The following ADGRG7 variants were observed in gnomAD, a reference collection of about 807,000 sequenced individuals.
ADGRG7 encodes the protein G-protein coupled receptor 128.
In ADGRG7, 82 loss-of-function variants were observed where a neutral mutation model predicts 88.6. The observed-to-expected ratio is 0.93, with a 90% CI of 0.77 to 1.11. The LOEUF (loss-of-function observed/expected upper bound fraction) is 1.11. ADGRG7 is among the 50% of genes most tolerant of loss of function. The pLI, the probability that ADGRG7 is intolerant of heterozygous loss-of-function variation, is 0.00. For synonymous variants in ADGRG7, 381 were observed against 345.2 expected, an observed-to-expected ratio of 1.10 and a Z score of -1.15; for missense variants, 945 against 953.4, an observed-to-expected ratio of 0.99 and a Z score of 0.12.
At chr3:100,675,541 T>C (rs544014048) in intron 15 of ADGRG7, among the ~76,000 whole-genome samples, 1 of 152,308 alleles carries the variant, frequency 6.6e-6, no homozygotes, top group East Asian at 1.9e-4. Flanking sequence ...TCAGATGCAT[T>C]GGCCTGTAGT....
At chr3:100,642,102 A>G (rs1707650428) in intron 6 of ADGRG7, among the ~76,000 whole-genome samples, 1 of 152,196 alleles carries the variant, frequency 6.6e-6, no homozygotes, top group South Asian at 2.1e-4. Flanking sequence ...GGAACATGAA[A>G]AACACCTCCT....
At chr3:100,620,273 T>C (rs1248775030) in intron 1 of ADGRG7, among the ~76,000 whole-genome samples, 1 of 152,244 alleles carries the variant, frequency 6.6e-6, no homozygotes, top group Non-Finnish European at 1.5e-5. Context: ...TCAATAAATG[T>C]AATCCAGGAT....
At position 100,633,269 on chromosome 3, in the gene ADGRG7, C is replaced by T; in HGVS notation, c.339C>T (p.Gly113=). Residue 113 remains glycine, a synonymous_variant, in exon 4 of 16, where the codon GGC becomes GGT. Transcript: ENST00000273352. ...AAAAATTTCTTTGTATTAAAGCGGG[C>T]AATCCAATGGCAGTCCGGTTGTGCA... ...QTCGKDTPNA[G]NPMAVRLCSL... 7.0e-7 allele frequency: 1 copy of T among 1,437,784 alleles called. No individual in the cohort carries two copies. The highest frequency in any genetic ancestry group is 9.2e-7 in the Non-Finnish European group (1 of 1,090,118). 89.1% of individuals were successfully genotyped at this position (1,437,784 alleles called of 1,614,324 possible).
In ADGRG7 at chr3:100,609,909, G is replaced by A; in HGVS notation, c.53G>A (p.Gly18Glu). ...NLRVLVAVVCGLLTGIILGLG... is the reference protein window; with the variant it reads ...NLRVLVAVVCELLTGIILGLG... ...AGGGTGCTGGTGGCTGTCGTGTGTG[G>A]ACTACTGACTGGCATCATTTTGGGA... Residue 18 changes from glycine to glutamate, a missense_variant, in exon 1 of 16, where the codon GGA becomes GAA. Gly to Glu is a moderately conservative substitution (Grantham distance 98). Coordinates refer to ENST00000273352, the MANE Select transcript of ADGRG7 (RefSeq NM_032787.3). The A allele has an allele frequency of 6.2e-7, 1 of 1,614,004 alleles. No individual in the cohort carries two copies. Among genetic ancestry groups the A allele is most frequent in the Non-Finnish European group, 8.5e-7 (1 of 1,179,912 alleles).
intron 15 of ADGRG7, among the ~76,000 whole-genome samples, chr3:100,685,598 C>A (rs1439055054): frequency 6.6e-6 from 1 of 152,082 alleles, no homozygotes; most frequent in African/African-American, 2.4e-5. Context: ...TTGTTCAATT[C>A]CCACCTATGA....
At chr3:100,622,302 T>TAAACAAATA (rs1707324925) in intron 1 of ADGRG7, among the ~76,000 whole-genome samples, 1 of 147,284 alleles carries the variant, frequency 6.8e-6, no homozygotes, top group East Asian at 2.1e-4. Context: ...GGTTGTCCAG[T>TAAACAAATA]TGTTTCCGCA....
At chr3:100,689,608 G>T (rs947256614) in intron 15 of ADGRG7, among the ~76,000 whole-genome samples, 1 of 152,166 alleles carries the variant, frequency 6.6e-6, no homozygotes, top group Non-Finnish European at 1.5e-5. Context: ...TGTCTGTAAA[G>T]GATTTTATTT....
rs767420767 is a variant in ADGRG7, at chr3:100,629,694, G to T, written c.212G>T (p.Gly71Val). The change falls in exon 2 of 16, where the codon GGA becomes GTA. Residue 71 changes from glycine to valine, a missense_variant. By Grantham distance (109) the Gly-to-Val change is moderately radical. Transcript: ENST00000273352. ...TGTATTTGTACAGAAGAGTGGAAAG[G>T]ACTGAGATGTACAATTGGTAAATTA... ...GRCICTEEWK[G>V]LRCTIANFCE... 9.3e-6 allele frequency: 15 copies of T among 1,609,278 alleles called. No individual in the cohort carries two copies. Among genetic ancestry groups the T allele is most frequent in the Non-Finnish European group, 1.3e-5 (15 of 1,175,798 alleles).
intron 6 of ADGRG7, among the ~76,000 whole-genome samples, chr3:100,642,899 C>A (rs116171313): frequency 1.4e-3 from 214 of 152,294 alleles, no homozygotes; most frequent in Non-Finnish European, 2.4e-3. Context: ...TGGATTCTCA[C>A]CACTGGAGAA....
chr3:100,693,173 T>C lies in ADGRG7; in HGVS notation c.2137-1571T>C, dbSNP rs139397315. On this transcript the variant is annotated intron_variant, in intron 15 of 15. Coordinates refer to ENST00000273352, the MANE Select transcript of ADGRG7 (RefSeq NM_032787.3). ...TGGTGTTTTTATGAATTATCCATGG[T>C]CTAGGGTCTTTTCCTAATTATTGTA... is the stretch of plus-strand genomic sequence containing the variant. Among the ~76,000 whole-genome samples the C allele has an allele frequency of 1.1e-3, 170 of 152,302 alleles. 2 individuals are homozygous for C. Among genetic ancestry groups the C allele is most frequent in the South Asian group, 6.8e-3 (33 of 4,832 alleles).
Position 100,646,642 on chromosome 3 carries a change from CA to C in ADGRG7, c.1185del (p.Tyr396MetfsTer26), listed in dbSNP as rs1410648072. ...YWNLSAKDWD[T>X]YGCQKDKGTD... is the part of the protein sequence containing the mutation. Reference sequence around the variant, plus strand: ...AATTTGTCAGCGAAGGACTGGGACACATATGGCTGTCAAAAAGACAAGGGCA... The same window carrying C: ...AATTTGTCAGCGAAGGACTGGGACACTATGGCTGTCAAAAAGACAAGGGCA... On this transcript the variant is annotated frameshift_variant, in exon 10 of 16. Transcript: ENST00000273352. LOFTEE classifies it high-confidence loss of function. 1 of 1,613,922 alleles carries C rather than the reference CA, an allele frequency of 6.2e-7. No individual in the cohort carries two copies. Among genetic ancestry groups the C allele is most frequent in the African/African-American group, 1.3e-5 (1 of 74,938 alleles).
At chr3:100,682,154 C>T (rs919468942) in intron 15 of ADGRG7, among the ~76,000 whole-genome samples, 8 of 152,094 alleles carry the variant, frequency 5.3e-5, no homozygotes, top group Admixed American at 2.6e-4. Flanking sequence ...CCAGGGAGCG[C>T]CCCCGGAGTC....
At chr3:100,639,010 CTGTGTGTGTGTGTGTGTGTG>C (rs56088926) in intron 6 of ADGRG7, among the ~76,000 whole-genome samples, 183 of 146,872 alleles carry the variant, frequency 1.2e-3, no homozygotes, top group East Asian at 2.4e-3. Flanking sequence ...CCCTCTGTTT[CTGTGTGTGTGTGTGTGTGTG>C]TGTGTGTGTG....
At chr3:100,661,409 T>C (rs1357688762) in intron 14 of ADGRG7, among the ~76,000 whole-genome samples, 4 of 152,248 alleles carry the variant, frequency 2.6e-5, no homozygotes, top group Non-Finnish European at 4.4e-5. Context: ...TATCTTTTTT[T>C]CTTTTAATGT....
At chr3:100,619,784 A>G (rs1328989499) in intron 1 of ADGRG7, among the ~76,000 whole-genome samples, 11 of 152,336 alleles carry the variant, frequency 7.2e-5, no homozygotes, top group African/African-American at 2.6e-4. Context: ...AAACACCTCT[A>G]CGCAAATAAA....
intron 15 of ADGRG7, among the ~76,000 whole-genome samples, chr3:100,692,067 A>G (rs2094994859): frequency 6.6e-6 from 1 of 152,216 alleles, no homozygotes; most frequent in Non-Finnish European, 1.5e-5. Context: ...GTTTCTGGCT[A>G]TGGTAAAATG....
intron 1 of ADGRG7, among the ~76,000 whole-genome samples, chr3:100,624,575 A>G (rs775138495): frequency 2.0e-5 from 3 of 152,118 alleles, no homozygotes; most frequent in Non-Finnish European, 4.4e-5. Flanking sequence ...TTTTGTTGCA[A>G]TTGCTTTTGG....
chr3:100,695,169 G>A lies in ADGRG7; in HGVS notation c.*168G>A. The A allele has an allele frequency of 1.5e-6, 1 of 664,396 alleles. No homozygotes were observed. The highest frequency in any genetic ancestry group is 2.5e-6 in the Non-Finnish European group (1 of 405,928). 41.2% of individuals were successfully genotyped at this position (664,396 alleles called of 1,614,324 possible). A position where few individuals can be genotyped will look rare whatever the true frequency, so the allele number is the denominator to read the frequency against. On this transcript the variant is annotated 3_prime_UTR_variant, in exon 16 of 16. Transcript: ENST00000273352. ...ATTATTATTCGGCATAATGGACTTG[G>A]TAGTTTTTCTATTTTTCAATAGATT... is the stretch of plus-strand genomic sequence containing the variant.
At chr3:100,626,997 T>A (rs1334858247) in intron 1 of ADGRG7, among the ~76,000 whole-genome samples, 1 of 152,248 alleles carries the variant, frequency 6.6e-6, no homozygotes, top group Non-Finnish European at 1.5e-5. Flanking sequence ...TTTTTGGAGA[T>A]ATCTTAGCAT....
Sources: gnomAD v4.1 joint callset for allele counts (sites outside exome capture counted in the v4.1 genomes callset) on GRCh38, gnomAD v4.1.1 for gene constraint, MANE v1.5 for transcripts, NCBI Gene and HGNC (gene_info 2026-07-23, HGNC 2026-07-21) for gene names.